Variants in ZNF44 observed in about 807,000 individuals in gnomAD.
ZNF44 encodes gonadotropin inducible transcription repressor-2.
In ZNF44, 9 loss-of-function variants were observed where a neutral mutation model predicts 11.7. The observed-to-expected ratio is 0.77, with a 90% CI of 0.46 to 1.35. The LOEUF is 1.35. ZNF44 is among the 40% of genes most tolerant of loss of function. The probability of loss-of-function intolerance (pLI) is 0.00; values close to 1 mark genes in which losing one functional copy is unlikely to be tolerated. For synonymous variants in ZNF44, 224 were observed against 242.7 expected (o/e 0.92, Z 0.72); for missense variants, 696 against 743.1 (o/e 0.94, Z 0.74).
At position 12,259,083 on chromosome 19, in the gene ZNF44, C is replaced by T. The variant is rs147435210; in HGVS notation, c.1913-8715G>A. On this transcript the variant is annotated intron_variant and NMD_transcript_variant, in intron 5 of 7. Transcript: ENST00000393337. ...AGACACAGGGTCCCACCATGTTGCC[C>T]AGGCTCGTCTTGAACTCATGGGCTC... Among the ~76,000 whole-genome samples the T allele has an allele frequency of 5.7e-3, 867 of 152,242 alleles. 1 individual carries two copies. Among genetic ancestry groups the T allele is most frequent in the Middle Eastern group, 0.02 (6 of 294 alleles).
chr19:12,267,031 TTTTTC>T (rs776313564), downstream of ZNF44, among the ~76,000 whole-genome samples: 2 of 143,030 alleles, frequency 1.4e-5, no homozygotes, highest in African/African-American at 2.6e-5. Context: ...GTCTACTCAT[TTTTTC>T]TTTTTTCTTT....
downstream of ZNF44, among the ~76,000 whole-genome samples, chr19:12,267,575 A>C (rs982431089): frequency 6.6e-6 from 1 of 152,110 alleles, no homozygotes; most frequent in African/African-American, 2.4e-5. Flanking sequence ...GACTCTGTTG[A>C]AAGGGGCCCA....
At chr19:12,250,899 G>C (rs1203877770) in intron 5 of ZNF44, 2 of 440,106 alleles carry the variant, frequency 4.5e-6, no homozygotes, top group Non-Finnish European at 4.6e-6. Context: ...ATTCGAGGTA[G>C]TCAGATCCAG....
downstream of ZNF44, among the ~76,000 whole-genome samples, chr19:12,271,588 T>C (rs1268938225): frequency 6.6e-6 from 1 of 152,216 alleles, no homozygotes; most frequent in Admixed American, 6.5e-5. Flanking sequence ...ATAACCATCG[T>C]AATACTTGGG....
At chr19:12,245,657 C>CCT (rs954676878), downstream of ZNF44, among the ~76,000 whole-genome samples, 5 of 152,174 alleles carry the variant, frequency 3.3e-5, no homozygotes, top group African/African-American at 9.7e-5. Context: ...CAAATTAGAT[C>CCT]TTGTTTGAAT....
At chr19:12,256,495 C>T (rs1599505692) in intron 5 of ZNF44, among the ~76,000 whole-genome samples, 1 of 152,088 alleles carries the variant, frequency 6.6e-6, no homozygotes, top group South Asian at 2.1e-4. Flanking sequence ...AATACAAAAA[C>T]AAAAACACGC....
chr19:12,280,189 A>T (rs1459708910), intron 1 of ZNF44, among the ~76,000 whole-genome samples: 1 of 152,172 alleles, frequency 6.6e-6, no homozygotes, highest in East Asian at 1.9e-4. Flanking sequence ...ATTGCACTCC[A>T]GCCTGGGAAA....
chr19:12,272,473 C>T lies in ZNF44; in HGVS notation c.1782G>A (p.Gly594=), dbSNP rs371226725. The change falls in exon 4 of 4, where the codon GGG becomes GGA. Residue 594 remains glycine (G), a synonymous_variant. Transcript: ENST00000355684. ...AGGAACTGAGAGAACTGAAGGCTTT[C>T]CCACATTCCTTACATTCATAGGGCT... ...GEKPYECKEC[G]KAFSSLSSFN... is the part of the protein sequence containing the mutation. 5.0e-6 allele frequency: 8 copies of T among 1,601,372 alleles called. No homozygotes were observed. The African/African-American group carries it at 1.1e-4, about 22-fold the overall frequency.
chr19:12,270,802 G>A (rs573567453), downstream of ZNF44, among the ~76,000 whole-genome samples: 3 of 152,198 alleles, frequency 2.0e-5, no homozygotes, highest in South Asian at 4.1e-4. Flanking sequence ...AACCCTGACT[G>A]TACCACAGTG....
chr19:12,228,160 A>ACTTT, intron 3 of ZNF44, among the ~76,000 whole-genome samples: 1 of 105,560 alleles, frequency 9.5e-6, no homozygotes, highest in African/African-American at 4.7e-5. Context: ...TAAACCTTCA[A>ACTTT]AACAATTGTT....
intron 1 of ZNF44, among the ~76,000 whole-genome samples, chr19:12,287,598 T>C (rs1201691712): frequency 5.3e-5 from 8 of 152,196 alleles, no homozygotes; most frequent in Non-Finnish European, 1.2e-4. Context: ...CTTAAGATCA[T>C]GGCCTCCCAT....
intron 1 of ZNF44, among the ~76,000 whole-genome samples, chr19:12,281,365 G>A (rs1967470131): frequency 6.6e-6 from 1 of 152,168 alleles, no homozygotes; most frequent in South Asian, 2.1e-4. Context: ...CAAGCAAAAT[G>A]TAAATATTGC....
chr19:12,260,491 C>T (rs1315943645), intron 5 of ZNF44: 7 of 1,301,384 alleles, frequency 5.4e-6, no homozygotes, highest in Non-Finnish European at 6.5e-6. Context: ...AGCCAGAAGC[C>T]TGTGATGGTG....
At chr19:12,269,594 C>T (rs1966893198), downstream of ZNF44, among the ~76,000 whole-genome samples, 2 of 152,174 alleles carry the variant, frequency 1.3e-5, no homozygotes, top group Admixed American at 1.3e-4. Context: ...AACTCCTGGC[C>T]TCAAGCGATC....
chr19:12,259,986 C>T (rs933884645), intron 5 of ZNF44: 5 of 350,118 alleles, frequency 1.4e-5, no homozygotes, highest in African/African-American at 6.3e-5. Context: ...CAGGGGCAGC[C>T]ACATAATGAC....
chr19:12,255,332 T>A (rs1282241223), intron 5 of ZNF44, among the ~76,000 whole-genome samples: 2 of 149,458 alleles, frequency 1.3e-5, no homozygotes, highest in African/African-American at 4.9e-5. Flanking sequence ...AAAAAAAAAA[T>A]CAAAACCAAA....
chr19:12,272,716 G>C lies in ZNF44; in HGVS notation c.1539C>G (p.Phe513Leu). The C allele has an allele frequency of 1.9e-6, 3 of 1,613,602 alleles. No homozygotes were observed. The highest frequency in any genetic ancestry group is 2.5e-6 in the Non-Finnish European group (3 of 1,179,626). The change falls in exon 4 of 4, where the codon TTC (phenylalanine) becomes TTG (leucine). Residue 513 changes from phenylalanine (F) to leucine (L), a missense_variant. Phe to Leu is a conservative substitution (Grantham distance 22). Coordinates refer to ENST00000355684, the MANE Select transcript of ZNF44 (RefSeq NM_016264.4). The part of the protein sequence containing the change: ...SYECQICGKA[F>L]SRFSYLKTHE... ...GAGTTTTTAAGTAACTGAAACGACTGAAGGCTTTGCCACAAATTTGACACT... is the reference window on the plus strand; with the variant it reads ...GAGTTTTTAAGTAACTGAAACGACTCAAGGCTTTGCCACAAATTTGACACT...
At chr19:12,248,334 C>G in exon 8 of ZNF44, 1 of 1,293,530 alleles carries the variant, frequency 7.7e-7, no homozygotes, top group Non-Finnish European at 1.0e-6. Flanking sequence ...ACGTTGACAA[C>G]TGAAGGCTTT....
chr19:12,254,845 G>A (rs552235344), intron 5 of ZNF44, among the ~76,000 whole-genome samples: 5 of 152,292 alleles, frequency 3.3e-5, no homozygotes, highest in East Asian at 3.9e-4. Context: ...CAGCACTTTG[G>A]GAGGCTGAGG....
Sources: allele counts gnomAD v4.1 joint callset (sites outside exome capture counted in the v4.1 genomes callset), GRCh38; gene constraint gnomAD v4.1.1; transcripts MANE v1.5; gene names NCBI Gene and HGNC (gene_info 2026-07-23, HGNC 2026-07-21).